GRID2: variants seen among roughly 807,000 people sequenced by gnomAD.
GRID2 encodes glutamate receptor ionotropic, delta-2.
Under a neutral mutation model 114.8 loss-of-function variants are expected in GRID2, and 33 were observed. The ratio of observed to expected loss-of-function variants is 0.29; its 90% CI spans 0.22 to 0.38. GRID2 has a LOEUF of 0.38. GRID2 is among the 10% of genes least tolerant of loss of function. GRID2 has a pLI of 1.00. For missense variants in GRID2, 1,184 were observed against 1,257.7 expected (o/e 0.94, Z 0.89); for synonymous variants, 505 against 449.9 (o/e 1.12, Z -1.55).
chr4:92,428,799 G>A (rs563344049), intron 1 of GRID2, among the ~76,000 whole-genome samples: 2 of 152,008 alleles, frequency 1.3e-5, no homozygotes, highest in South Asian at 2.1e-4. Context: ...TTATTTTTAT[G>A]CATGCACAGT....
At chr4:93,697,045 G>A (rs1357656077) in intron 14 of GRID2, among the ~76,000 whole-genome samples, 1 of 151,982 alleles carries the variant, frequency 6.6e-6, no homozygotes, top group Non-Finnish European at 1.5e-5. Context: ...TAAAATTATT[G>A]TAAAATCAAA....
intron 13 of GRID2, among the ~76,000 whole-genome samples, chr4:93,560,002 C>G (rs1442473433): frequency 2.6e-5 from 4 of 151,888 alleles, no homozygotes; most frequent in Non-Finnish European, 5.9e-5. Context: ...ACCACATGTT[C>G]TCACTCATAA....
At chr4:93,586,999 A>G (rs1458503263) in intron 13 of GRID2, among the ~76,000 whole-genome samples, 2 of 152,100 alleles carry the variant, frequency 1.3e-5, no homozygotes, top group Admixed American at 6.6e-5. Context: ...CACAGCCCCA[A>G]TCTCCTCCCA....
At chr4:93,052,752 A>G (rs545706123) in intron 2 of GRID2, among the ~76,000 whole-genome samples, 2 of 151,988 alleles carry the variant, frequency 1.3e-5, no homozygotes, top group South Asian at 4.2e-4. Flanking sequence ...TCTGAATTTT[A>G]AAAAGTTTAC....
At chr4:93,263,658 G>T (rs1184177002) in intron 8 of GRID2, among the ~76,000 whole-genome samples, 1 of 151,900 alleles carries the variant, frequency 6.6e-6, no homozygotes, top group African/African-American at 2.4e-5. Context: ...ATAATTAGTG[G>T]ATCATCTTGA....
rs890173707 is a variant in GRID2, at chr4:92,965,226, A to AT, written c.245-119765dup. On this transcript the variant is annotated intron_variant, in intron 2 of 15. Transcript: ENST00000282020. ...GGTGTTTATTGATTAAGATCGATTCATTTTGCCATCTTTTATGGGCATGAT... is the reference window on the plus strand; with the variant it reads ...GGTGTTTATTGATTAAGATCGATTCATTTTTGCCATCTTTTATGGGCATGAT... 6.3e-4 allele frequency among the ~76,000 whole-genome samples: 96 copies of AT among 151,858 alleles called. 1 individual carries two copies. Among genetic ancestry groups the AT allele is most frequent in the African/African-American group, 2.1e-3 (88 of 41,486 alleles).
intron 7 of GRID2, among the ~76,000 whole-genome samples, chr4:93,225,082 G>C (rs1745335775): frequency 6.6e-6 from 1 of 151,936 alleles, no homozygotes; most frequent in African/African-American, 2.4e-5. Flanking sequence ...AATACAAAAG[G>C]CTTTTAAAAA....
At chr4:93,722,065 T>C (rs1578657980) in intron 14 of GRID2, among the ~76,000 whole-genome samples, 1 of 151,744 alleles carries the variant, frequency 6.6e-6, no homozygotes, top group East Asian at 2.0e-4. Context: ...ATTACAGGCA[T>C]CCACCACCAC....
At chr4:92,404,314 T>C (rs1215780203) in intron 1 of GRID2, among the ~76,000 whole-genome samples, 2 of 152,070 alleles carry the variant, frequency 1.3e-5, no homozygotes, top group African/African-American at 4.8e-5. Context: ...TCTAGGGAAA[T>C]GCAAATCAAA....
chr4:92,364,339 CA>C (rs2110206832), intron 1 of GRID2, among the ~76,000 whole-genome samples: 2 of 152,148 alleles, frequency 1.3e-5, no homozygotes, highest in South Asian at 4.1e-4. Flanking sequence ...TTATGTTCAT[CA>C]CCAGAACACG....
intron 14 of GRID2, among the ~76,000 whole-genome samples, chr4:93,677,998 CA>C (rs1725083632): frequency 6.6e-6 from 1 of 151,720 alleles, no homozygotes; most frequent in African/African-American, 2.4e-5. Flanking sequence ...GGAGGAAATT[CA>C]AACCAAAGGC....
intron 4 of GRID2, among the ~76,000 whole-genome samples, chr4:93,128,046 A>C (rs1240068867): frequency 2.1e-5 from 3 of 145,706 alleles, no homozygotes; most frequent in Admixed American, 6.9e-5. Context: ...AAAAAAAAAA[A>C]AAAAAAAAAA....
At chr4:92,940,612 G>A (rs1045168868) in intron 2 of GRID2, among the ~76,000 whole-genome samples, 4 of 152,136 alleles carry the variant, frequency 2.6e-5, no homozygotes, top group East Asian at 1.9e-4. Flanking sequence ...ATTTTGAATA[G>A]GAGTGGTGAG....
At chr4:92,575,026 T>G (rs1415287674) in intron 1 of GRID2, among the ~76,000 whole-genome samples, 1 of 152,194 alleles carries the variant, frequency 6.6e-6, no homozygotes, top group Non-Finnish European at 1.5e-5. Flanking sequence ...TTCCTTTTTC[T>G]CTATTCTTGT....
intron 10 of GRID2, among the ~76,000 whole-genome samples, chr4:93,445,556 G>A (rs995436371): frequency 1.3e-5 from 2 of 151,728 alleles, no homozygotes; most frequent in African/African-American, 2.4e-5. Context: ...TTTATGTTTT[G>A]TTTTTATATT....
chr4:93,558,695 A>C (rs1734580142), intron 13 of GRID2, among the ~76,000 whole-genome samples: 1 of 152,198 alleles, frequency 6.6e-6, no homozygotes, highest in Non-Finnish European at 1.5e-5. Context: ...AAACTATTCC[A>C]AACAATAGAA....
chr4:93,256,655 TA>T (rs1749629043), intron 8 of GRID2, among the ~76,000 whole-genome samples: 1 of 151,830 alleles, frequency 6.6e-6, no homozygotes, highest in African/African-American at 2.4e-5. Flanking sequence ...TAGATAGAAA[TA>T]GAGATAATAT....
Position 93,168,217 on chromosome 4 carries a change from G to GAAGGAAAGGA in GRID2, c.736-39173_736-39164dup, listed in dbSNP as rs758647914. Reference sequence around the variant, plus strand: ...ACTCTATCTCAAAAGAAAGAAAAGGGAAGGAAAGGAAAGGAAAGGAAAGAA... The same window carrying GAAGGAAAGGA: ...ACTCTATCTCAAAAGAAAGAAAAGGGAAGGAAAGGAAAGGAAAGGAAAGGAAAGGAAAGAA... On this transcript the variant is annotated intron_variant, in intron 4 of 15. Coordinates refer to ENST00000282020, the MANE Select transcript of GRID2 (RefSeq NM_001510.4). Among the ~76,000 whole-genome samples, 4 of 150,508 alleles carry GAAGGAAAGGA rather than the reference G, an allele frequency of 2.7e-5. 1 individual carries two copies. Among genetic ancestry groups the GAAGGAAAGGA allele is most frequent in the Non-Finnish European group, 5.9e-5 (4 of 67,702 alleles).
chr4:92,780,006 T>C lies in GRID2; in HGVS notation c.244+189720T>C, dbSNP rs148084090. ...TTGGCATTTGCCTCAAGAAAGTTAA[T>C]AGAGAGAAATGAAAAAATATCAACT... is the stretch of plus-strand genomic sequence containing the variant. On this transcript the variant is annotated intron_variant, in intron 2 of 15. Transcript: ENST00000282020. 9.8e-3 allele frequency among the ~76,000 whole-genome samples: 1,492 copies of C among 152,160 alleles called. 32 individuals are homozygous for C. The highest frequency in any genetic ancestry group is 0.034 in the African/African-American group (1,409 of 41,522).
Sources: allele counts gnomAD v4.1 joint callset (sites outside exome capture counted in the v4.1 genomes callset), GRCh38; gene constraint gnomAD v4.1.1; transcripts MANE v1.5; gene names NCBI Gene and HGNC (gene_info 2026-07-23, HGNC 2026-07-21).